CNTN6: variants seen among roughly 807,000 people sequenced by gnomAD.
CNTN6 encodes contactin-6.
In CNTN6, 137 loss-of-function variants were observed where a neutral mutation model predicts 122.8. The observed-to-expected ratio is 1.12, with a 90% confidence interval of 0.97 to 1.29. CNTN6 has a LOEUF of 1.29. CNTN6 is among the 50% of genes most tolerant of loss of function. The pLI, the probability that CNTN6 is intolerant of heterozygous loss-of-function variation, is 0.00. For missense variants in CNTN6, 1,634 were observed against 1,223.4 expected, an observed-to-expected ratio of 1.34 and a Z score of -5.01; for synonymous variants, 570 against 426.0, an observed-to-expected ratio of 1.34 and a Z score of -4.16.
intron 4 of CNTN6, among the ~76,000 whole-genome samples, chr3:1,255,945 A>C (rs1056955002): frequency 3.3e-5 from 5 of 152,008 alleles, no homozygotes; most frequent in African/African-American, 1.2e-4. Context: ...AAGACTAACC[A>C]CAATGGGGAT....
chr3:1,153,534 T>A lies in CNTN6; in HGVS notation c.55+5471T>A, dbSNP rs144338545. ...CTGATACCCATAAAGAAAGAAAAAA[T>A]CTATTTTGTCAGTATTTTTACATAG... On this transcript the variant is annotated intron_variant, in intron 2 of 22. Coordinates refer to ENST00000446702, the MANE Select transcript of CNTN6 (RefSeq NM_001289080.2). Among the ~76,000 whole-genome samples the A allele has an allele frequency of 3.2e-4, 49 of 152,248 alleles. 2 individuals carry two copies. In the East Asian group the frequency reaches 9.3e-3, roughly 29 times the overall value.
intron 11 of CNTN6, among the ~76,000 whole-genome samples, chr3:1,337,723 T>A (rs1006358599): frequency 2.6e-5 from 4 of 152,104 alleles, no homozygotes; most frequent in African/African-American, 9.7e-5. Context: ...AAATTTTAAA[T>A]TGTTCATACT....
At chr3:1,246,013 G>A (rs1268021969) in intron 4 of CNTN6, among the ~76,000 whole-genome samples, 1 of 152,122 alleles carries the variant, frequency 6.6e-6, no homozygotes, top group African/African-American at 2.4e-5. Context: ...TGCAGCCTGA[G>A]GGCTGTAGGT....
At chr3:1,393,410 G>C (rs1694497891) in intron 20 of CNTN6, among the ~76,000 whole-genome samples, 1 of 123,190 alleles carries the variant, frequency 8.1e-6, no homozygotes, top group Non-Finnish European at 1.7e-5. Context: ...ACTGTGGTGA[G>C]GTGGGGGGAG....
intron 4 of CNTN6, among the ~76,000 whole-genome samples, chr3:1,232,106 A>G (rs991915825): frequency 6.6e-6 from 1 of 152,250 alleles, no homozygotes; most frequent in African/African-American, 2.4e-5. Flanking sequence ...GAAACCCATG[A>G]TATCACTCAG....
intron 12 of CNTN6, among the ~76,000 whole-genome samples, chr3:1,371,707 C>A (rs1559946062): frequency 6.6e-6 from 1 of 152,072 alleles, no homozygotes; most frequent in Non-Finnish European, 1.5e-5. Flanking sequence ...ATGATGGATG[C>A]ATAATTTTAA....
chr3:1,170,441 A>G (rs564504884), intron 2 of CNTN6, among the ~76,000 whole-genome samples: 2 of 152,096 alleles, frequency 1.3e-5, no homozygotes, highest in South Asian at 2.1e-4. Context: ...TCGAGTGTCT[A>G]TTTAAATAAC....
intron 11 of CNTN6, among the ~76,000 whole-genome samples, chr3:1,339,900 C>T (rs1004345505): frequency 2.0e-5 from 3 of 151,912 alleles, no homozygotes; most frequent in African/African-American, 7.3e-5. Context: ...CCAAATACAC[C>T]CATAAATCTA....
chr3:1,231,694 T>G lies in CNTN6; in HGVS notation c.358+3701T>G, dbSNP rs139787445. On this transcript the variant is annotated intron_variant, in intron 4 of 22. Coordinates refer to ENST00000446702, the MANE Select transcript of CNTN6 (RefSeq NM_001289080.2). ...AGTCATTCAGTTCTCTGGATTTAGC[T>G]AAAGTATATTTTGAATTATTTGATT... Among the ~76,000 whole-genome samples the G allele has an allele frequency of 4.2e-3, 634 of 152,390 alleles. 4 individuals are homozygous for G. The highest frequency in any genetic ancestry group is 0.012 in the African/African-American group (497 of 41,602).
chr3:1,101,076 C>G (rs1456805304), intron 1 of CNTN6, among the ~76,000 whole-genome samples: 1 of 152,112 alleles, frequency 6.6e-6, no homozygotes, highest in Non-Finnish European at 1.5e-5. Context: ...AGTGGCTCTA[C>G]AAATATCTCT....
intron 1 of CNTN6, among the ~76,000 whole-genome samples, chr3:1,140,160 G>A (rs1420637132): frequency 1.3e-5 from 2 of 152,102 alleles, no homozygotes; most frequent in African/African-American, 2.4e-5. Context: ...TTTTAGGAAC[G>A]GAAAGTCAAC....
At chr3:1,377,619 C>T (rs369390218) in intron 17 of CNTN6, among the ~76,000 whole-genome samples, 1 of 152,054 alleles carries the variant, frequency 6.6e-6, no homozygotes, top group East Asian at 1.9e-4. Context: ...GGAGTATAAA[C>T]GTTAGAATTT....
chr3:1,393,700 A>G (rs1694581992), intron 20 of CNTN6, among the ~76,000 whole-genome samples: 1 of 151,914 alleles, frequency 6.6e-6, no homozygotes, highest in Non-Finnish European at 1.5e-5. Flanking sequence ...ATTTTAGTGC[A>G]GTTATTGAGC....
intron 4 of CNTN6, among the ~76,000 whole-genome samples, chr3:1,256,448 T>C (rs2094760351): frequency 6.6e-6 from 1 of 152,112 alleles, no homozygotes; most frequent in African/African-American, 2.4e-5. Flanking sequence ...TGATATTTAT[T>C]ATTTACTTTG....
intron 1 of CNTN6, among the ~76,000 whole-genome samples, chr3:1,143,380 A>G (rs949460205): frequency 6.6e-6 from 1 of 152,140 alleles, no homozygotes; most frequent in Non-Finnish European, 1.5e-5. Flanking sequence ...CCTCATCTAA[A>G]ACAAAATGCT....
At chr3:1,257,576 A>T (rs114123608) in intron 4 of CNTN6, among the ~76,000 whole-genome samples, 4 of 152,232 alleles carry the variant, frequency 2.6e-5, no homozygotes, top group African/African-American at 9.6e-5. Context: ...CCCCAATTCC[A>T]TTTAATAAGT....
At chr3:1,184,471 C>A (rs976529440) in intron 2 of CNTN6, among the ~76,000 whole-genome samples, 2 of 152,100 alleles carry the variant, frequency 1.3e-5, no homozygotes, top group Non-Finnish European at 1.5e-5. Flanking sequence ...ATTGAGAAGA[C>A]TGTTCTTTGA....
chr3:1,155,872 G>A (rs1274190415), intron 2 of CNTN6, among the ~76,000 whole-genome samples: 1 of 152,020 alleles, frequency 6.6e-6, no homozygotes, highest in African/African-American at 2.4e-5. Flanking sequence ...CCAAGACTTA[G>A]CTTATTGACA....
intron 19 of CNTN6, among the ~76,000 whole-genome samples, chr3:1,384,123 A>G (rs1692378980): frequency 6.6e-6 from 1 of 152,256 alleles, no homozygotes; most frequent in Admixed American, 6.5e-5. Context: ...TAAGATGAGT[A>G]AGCTCTAAAG....
Sources: allele counts gnomAD v4.1 joint callset (sites outside exome capture counted in the v4.1 genomes callset), GRCh38; gene constraint gnomAD v4.1.1; transcripts MANE v1.5; gene names NCBI Gene and HGNC (gene_info 2026-07-23, HGNC 2026-07-21).